Variants in MAST2 observed in about 807,000 individuals in gnomAD.
MAST2 encodes microtubule-associated serine/threonine-protein kinase 2.
A neutral mutation model predicts 147.4 loss-of-function variants in MAST2; 70 were observed. The ratio of observed to expected loss-of-function variants is 0.47; its 90% confidence interval spans 0.39 to 0.58. MAST2 has a LOEUF of 0.58. Ranked by LOEUF, MAST2 falls within the 20% of genes least tolerant of loss-of-function variation. MAST2 has a pLI of 0.00. For missense variants in MAST2, 2,080 were observed against 2,302.3 expected, an observed-to-expected ratio of 0.90 and a Z score of 1.98; for synonymous variants, 869 against 896.8, an observed-to-expected ratio of 0.97 and a Z score of 0.55.
At chr1:46,018,917 ATGCAG>A (rs1646068502) in intron 10 of MAST2, among the ~76,000 whole-genome samples, 2 of 152,186 alleles carry the variant, frequency 1.3e-5, no homozygotes, top group Non-Finnish European at 1.5e-5. Flanking sequence ...CTAAAACCAA[ATGCAG>A]TACATTCTTT....
chr1:46,029,621 C>A lies in MAST2; in HGVS notation c.2320+54C>A, dbSNP rs549429132. On this transcript the variant is annotated intron_variant, in intron 19 of 28. Transcript: ENST00000361297. ...CTACTTGGAAAAGGGGTAAGGGAGG[C>A]TGAGTCATGTACCCTGGAGGTTCAG... is the stretch of plus-strand genomic sequence containing the variant. 176 of 1,543,076 alleles carry A rather than the reference C, an allele frequency of 1.1e-4. 1 individual carries two copies. Among genetic ancestry groups the A allele is most frequent in the Non-Finnish European group, 1.4e-4 (152 of 1,123,998 alleles).
At position 45,863,194 on chromosome 1, in the gene MAST2, G is replaced by A. The variant is rs559200112; in HGVS notation, c.469-19170G>A. Among the ~76,000 whole-genome samples, 10 of 152,070 alleles carry A rather than the reference G, an allele frequency of 6.6e-5. No homozygotes were observed. In the South Asian group the frequency reaches 1.0e-3, roughly 16 times the overall value. Reference sequence around the variant, plus strand: ...CTTTTTTATATTTTTACTGATTACCGGGTTGAATAAATTAGAAGCCACTCC... The same window carrying A: ...CTTTTTTATATTTTTACTGATTACCAGGTTGAATAAATTAGAAGCCACTCC... On this transcript the variant is annotated intron_variant, in intron 3 of 28. Coordinates refer to ENST00000361297, the MANE Select transcript of MAST2 (RefSeq NM_015112.3).
At chr1:45,923,876 C>A (rs1452985369) in intron 4 of MAST2, among the ~76,000 whole-genome samples, 1 of 152,044 alleles carries the variant, frequency 6.6e-6, no homozygotes, top group Non-Finnish European at 1.5e-5. Flanking sequence ...GTAAAAACCT[C>A]TGTTCTTTTT....
chr1:46,014,869 T>A (rs1351907749), intron 10 of MAST2, among the ~76,000 whole-genome samples: 1 of 152,190 alleles, frequency 6.6e-6, no homozygotes, highest in Non-Finnish European at 1.5e-5. Context: ...CAACAGAATA[T>A]ACATTTTTTT....
intron 3 of MAST2, among the ~76,000 whole-genome samples, chr1:45,851,423 G>C (rs2147991752): frequency 6.6e-6 from 1 of 152,304 alleles, no homozygotes; most frequent in East Asian, 1.9e-4. Flanking sequence ...AAGAAAGATA[G>C]CTGGACTTCT....
At chr1:46,032,860 T>C in intron 26 of MAST2, 142 bp downstream of exon 26, 2 of 1,141,204 alleles carry the variant, frequency 1.8e-6, no homozygotes, top group Non-Finnish European at 2.4e-6. Flanking sequence ...CCGGGCGCGG[T>C]GGCTCATGCC....
chr1:45,952,316 C>T (rs985742691), intron 4 of MAST2, among the ~76,000 whole-genome samples: 5 of 152,080 alleles, frequency 3.3e-5, no homozygotes, highest in African/African-American at 1.2e-4. Flanking sequence ...GTCCAGAATA[C>T]GTAGAGTCCA....
In MAST2 at chr1:46,027,786, A is replaced by G. The variant is rs763746400; in HGVS notation, c.1975A>G (p.Ile659Val). Residue 659 changes from isoleucine (I) to valine (V), a missense_variant, in exon 17 of 29, where the codon ATT becomes GTT. Coordinates refer to ENST00000361297, the MANE Select transcript of MAST2 (RefSeq NM_015112.3). ...GCTCACGGACTTTGGACTGTCCAAA[A>G]TTGGCCTCATGAGTCTGACAACGAA... is the stretch of plus-strand genomic sequence containing the variant. ...IKLTDFGLSK[I>V]GLMSLTTNLY... The G allele has an allele frequency of 6.2e-7, 1 of 1,614,192 alleles. No homozygotes were observed. Among genetic ancestry groups the G allele is most frequent in the Admixed American group, 1.7e-5 (1 of 60,016 alleles).
At position 46,023,531 on chromosome 1, in the gene MAST2, C is replaced by A; in HGVS notation, c.1571+213C>A. 1 of 619,354 alleles carries A rather than the reference C, an allele frequency of 1.6e-6. No homozygotes were observed. Among genetic ancestry groups the A allele is most frequent in the Non-Finnish European group, 2.9e-6 (1 of 347,796 alleles). The allele number at this position is 619,354 out of a possible 1,614,324, so 38.4% of individuals were successfully genotyped here. On this transcript the variant is annotated intron_variant, in intron 14 of 28. Coordinates refer to ENST00000361297, the MANE Select transcript of MAST2 (RefSeq NM_015112.3). The surrounding 1 kb of genome is among the most constrained non-coding windows in gnomAD (Gnocchi z 4.9). ...ACAAGATTCCCACGCCTCTTACTAC[C>A]ACGCATCCTCCATTCCCTGAGCTCT...
At chr1:45,959,623 T>C (rs1660121267) in intron 5 of MAST2, 146 bp downstream of exon 5, 3 of 657,416 alleles carry the variant, frequency 4.6e-6, no homozygotes, top group African/African-American at 1.8e-5. Context: ...ATGGGCTTGC[T>C]TTCTGTACGA....
At chr1:45,998,462 G>C (rs1342423358) in intron 6 of MAST2, among the ~76,000 whole-genome samples, 1 of 152,204 alleles carries the variant, frequency 6.6e-6, no homozygotes, top group Admixed American at 6.5e-5. Context: ...ATATCATCAG[G>C]CCTTTAGAGA....
Position 45,804,034 on chromosome 1 carries a change from G to A in MAST2, c.139G>A (p.Glu47Lys), listed in dbSNP as rs1644064490. 2 of 1,262,748 alleles carry A rather than the reference G, an allele frequency of 1.6e-6. No homozygotes were observed. Among genetic ancestry groups the A allele is most frequent in the Non-Finnish European group, 2.0e-6 (2 of 988,370 alleles). The allele number at this position is 1,262,748 out of a possible 1,614,324, so 78.2% of individuals were successfully genotyped here. A position where few individuals can be genotyped will look rare whatever the true frequency, so the allele number is the denominator to read the frequency against. Residue 47 changes from glutamate to lysine, a missense_variant, in exon 1 of 29, where the codon GAG becomes AAG. Physicochemically the swap from Glu to Lys is moderately conservative, Grantham distance 56. Coordinates refer to ENST00000361297, the MANE Select transcript of MAST2 (RefSeq NM_015112.3). ...RAPPGRQRLEERTGPAGPEGK... is the reference protein window; with the variant it reads ...RAPPGRQRLEKRTGPAGPEGK... ...GCCGCCCGGGAGGCAGCGGCTGGAGGAGCGGACGGGCCCCGCGGGGCCCGA... is the reference window on the plus strand; with the variant it reads ...GCCGCCCGGGAGGCAGCGGCTGGAGAAGCGGACGGGCCCCGCGGGGCCCGA...
chr1:46,029,314 G>A (rs1416212155), intron 18 of MAST2, 152 bp from the exon 19 acceptor site: 2 of 609,120 alleles, frequency 3.3e-6, no homozygotes, highest in South Asian at 2.3e-5. Flanking sequence ...GGAACCTATA[G>A]AATTTAAGGA....
chr1:45,971,310 A>G (rs1023375265), intron 5 of MAST2, among the ~76,000 whole-genome samples: 2 of 152,222 alleles, frequency 1.3e-5, no homozygotes, highest in Admixed American at 6.5e-5. Flanking sequence ...GCCAGTGGTC[A>G]GGCCTAGAGA....
chr1:45,921,611 T>A (rs965844243), intron 4 of MAST2, among the ~76,000 whole-genome samples: 4 of 152,146 alleles, frequency 2.6e-5, no homozygotes, highest in African/African-American at 9.7e-5. Context: ...TAGCTCACTG[T>A]GAGGCTGCAT....
rs1645117591 is a variant in MAST2 at position 45,997,799 on chromosome 1, G to A, written c.668G>A (p.Arg223Lys). 6.2e-7 allele frequency: 1 copy of A among 1,613,842 alleles called. No individual in the cohort carries two copies. The highest frequency in any genetic ancestry group is 1.7e-5 in the Admixed American group (1 of 59,992). The change falls in exon 6 of 29, where the codon AGG becomes AAG. Residue 223 changes from arginine (R) to lysine (K), a missense_variant and splice_region_variant. Physicochemically the swap from Arg to Lys is conservative, Grantham distance 26. Transcript: ENST00000361297. Reference protein sequence around the residue: ...PAHFSFVPARRTDGRRWSLAS... With the variant: ...PAHFSFVPARKTDGRRWSLAS... ...CACTTTTCTTTTGTTCCTGCCCGTA[G>A]GTAAGTTGATAGGAAACCTCCTCTG...
At chr1:45,899,095 A>G (rs148707514) in intron 4 of MAST2, among the ~76,000 whole-genome samples, 151 of 152,222 alleles carry the variant, frequency 9.9e-4, no homozygotes, top group Admixed American at 2.9e-3. Flanking sequence ...ATATAATGCA[A>G]TTCAGCCCAC....
Position 45,961,920 on chromosome 1 carries a change from C to G in MAST2, c.592+2443C>G, listed in dbSNP as rs183970958. Among the ~76,000 whole-genome samples, 175 of 152,100 alleles carry G rather than the reference C, an allele frequency of 1.2e-3. 1 individual carries two copies. The highest frequency in any genetic ancestry group is 8.8e-3 in the Admixed American group (135 of 15,274). On this transcript the variant is annotated intron_variant, in intron 5 of 28. Transcript: ENST00000361297. ...ATATCTCCTAATGCTATCCCTCCCC[C>G]ATCCCCCCACCCCACAACAGGCCCC...
intron 5 of MAST2, 51 bp downstream of exon 5, chr1:45,959,528 C>T (rs967175444): frequency 1.4e-6 from 2 of 1,460,450 alleles, no homozygotes; most frequent in African/African-American, 2.8e-5. Context: ...GCCACAGATG[C>T]CCAATTTCTT....
Sources: gnomAD v4.1 joint callset for allele counts (sites outside exome capture counted in the v4.1 genomes callset) on GRCh38, gnomAD v4.1.1 for gene constraint, Gnocchi (gnomAD v3.1) non-coding constraint, MANE v1.5 for transcripts, NCBI Gene and HGNC (gene_info 2026-07-23, HGNC 2026-07-21) for gene names.